DAG1: variants seen among roughly 807,000 people sequenced by gnomAD.
The protein encoded by DAG1 is dystroglycan 1 (dystrophin-associated glycoprotein 1).
Under a neutral mutation model 46.1 loss-of-function variants are expected in DAG1, and 8 were observed. The observed-to-expected ratio is 0.17, with a 90% confidence interval of 0.10 to 0.31. The LOEUF (loss-of-function observed/expected upper bound fraction) is 0.31. Ranked by LOEUF, DAG1 falls within the 10% of genes least tolerant of loss-of-function variation. The pLI is 1.00. For synonymous variants in DAG1, 495 were observed against 481.8 expected (o/e 1.03, Z -0.36); for missense variants, 1,003 against 1,189.9 (o/e 0.84, Z 2.31).
intron 1 of DAG1, among the ~76,000 whole-genome samples, chr3:49,473,378 C>T (rs1158076432): frequency 4.0e-5 from 6 of 151,630 alleles, no homozygotes; most frequent in Admixed American, 6.6e-5. Context: ...GCTGAGATAG[C>T]GCCACTGCAG....
chr3:49,500,108 G>T (rs1575371334), intron 1 of DAG1, among the ~76,000 whole-genome samples: 1 of 148,934 alleles, frequency 6.7e-6, no homozygotes, highest in Admixed American at 6.8e-5. Context: ...CGCTTCCCGG[G>T]TTCAAGCAAT....
At chr3:49,499,300 C>A (rs748559710) in intron 1 of DAG1, among the ~76,000 whole-genome samples, 2 of 151,956 alleles carry the variant, frequency 1.3e-5, no homozygotes, top group Non-Finnish European at 2.9e-5. Context: ...TTTGGGAGGC[C>A]GAGGCAGGAG....
At chr3:49,471,366 C>T (rs939979748) in intron 1 of DAG1, among the ~76,000 whole-genome samples, 2 of 152,270 alleles carry the variant, frequency 1.3e-5, no homozygotes, top group Admixed American at 6.5e-5. Context: ...AGGTGTTTTG[C>T]AAAGTCTGGT....
chr3:49,474,199 C>T (rs183480772), intron 1 of DAG1, among the ~76,000 whole-genome samples: 97 of 152,088 alleles, frequency 6.4e-4, no homozygotes, highest in African/African-American at 2.3e-3. Flanking sequence ...GGACTACAGG[C>T]GCATGCCACC....
At chr3:49,502,349 A>G (rs936132516) in intron 1 of DAG1, among the ~76,000 whole-genome samples, 2 of 152,202 alleles carry the variant, frequency 1.3e-5, no homozygotes, top group Non-Finnish European at 2.9e-5. Flanking sequence ...GGGCTCCTCC[A>G]TCTATGTACA....
At chr3:49,521,605 G>A (rs746242107) in intron 2 of DAG1, among the ~76,000 whole-genome samples, 1 of 151,878 alleles carries the variant, frequency 6.6e-6, no homozygotes, top group South Asian at 2.1e-4. Flanking sequence ...GGACCACCAC[G>A]CCCAGCTAAT....
At chr3:49,490,636 C>A (rs2050157507) in intron 1 of DAG1, among the ~76,000 whole-genome samples, 1 of 150,688 alleles carries the variant, frequency 6.6e-6, no homozygotes, top group Non-Finnish European at 1.5e-5. Flanking sequence ...GTGATGAGAT[C>A]TTGGCTTATT....
At chr3:49,508,890 A>G (rs1186005489) in intron 1 of DAG1, among the ~76,000 whole-genome samples, 1 of 152,186 alleles carries the variant, frequency 6.6e-6, no homozygotes, top group Non-Finnish European at 1.5e-5. Flanking sequence ...ATGTATCTCT[A>G]TATATACATG....
intron 1 of DAG1, among the ~76,000 whole-genome samples, chr3:49,478,971 G>A (rs995401260): frequency 6.6e-6 from 1 of 151,142 alleles, no homozygotes; most frequent in Non-Finnish European, 1.5e-5. Context: ...CCACCATCAC[G>A]CCGAGCTAAG....
At chr3:49,479,952 CTT>C (rs1265876485) in intron 1 of DAG1, among the ~76,000 whole-genome samples, 14 of 90,656 alleles carry the variant, frequency 1.5e-4, no homozygotes, top group Non-Finnish European at 1.6e-4. Flanking sequence ...ATATAACATT[CTT>C]TTTTTTTTTT....
intron 1 of DAG1, among the ~76,000 whole-genome samples, chr3:49,500,905 A>G (rs963886487): frequency 2.0e-5 from 3 of 152,202 alleles, no homozygotes; most frequent in African/African-American, 4.8e-5. Context: ...GTGTATGAGT[A>G]TGAGACTGTG....
At chr3:49,509,461 C>T (rs1285339048) in intron 1 of DAG1, among the ~76,000 whole-genome samples, 1 of 152,194 alleles carries the variant, frequency 6.6e-6, no homozygotes, top group African/African-American at 2.4e-5. Flanking sequence ...AGTCTGGTTG[C>T]TGTCTCTAAA....
At chr3:49,525,716 G>A (rs1266252556) in intron 2 of DAG1, among the ~76,000 whole-genome samples, 2 of 151,592 alleles carry the variant, frequency 1.3e-5, no homozygotes, top group Non-Finnish European at 2.9e-5. Flanking sequence ...CCGCCACCTC[G>A]CCCCGCTAAT....
At chr3:49,514,091 C>T (rs933575636) in intron 2 of DAG1, among the ~76,000 whole-genome samples, 1 of 152,114 alleles carries the variant, frequency 6.6e-6, no homozygotes, top group African/African-American at 2.4e-5. Context: ...CTGTGGAAAG[C>T]AGACCATTTA....
At chr3:49,491,150 C>G in intron 1 of DAG1, among the ~76,000 whole-genome samples, 1 of 151,938 alleles carries the variant, frequency 6.6e-6, no homozygotes, top group East Asian at 1.9e-4. Context: ...TTCCAAAGTA[C>G]AGGCGTGAGC....
Position 49,485,302 on chromosome 3 carries a change from G to A in DAG1, c.-117+14869G>A, listed in dbSNP as rs529949531. Among the ~76,000 whole-genome samples, 23 of 152,308 alleles carry A rather than the reference G, an allele frequency of 1.5e-4. No individual in the cohort carries two copies. In the South Asian group the frequency reaches 4.8e-3, roughly 32 times the overall value. ...GGACGGAGTGTTGTTCTGTCGCCCA[G>A]GCTGGAGTGCAGTGGTGCGATCTTG... On this transcript the variant is annotated intron_variant, in intron 1 of 2. Transcript: ENST00000308775.
intron 2 of DAG1, among the ~76,000 whole-genome samples, chr3:49,527,534 A>G (rs1438353344): frequency 2.1e-5 from 3 of 143,306 alleles, no homozygotes; most frequent in Non-Finnish European, 4.5e-5. Context: ...AAAAAAAAAA[A>G]ACCAACAAAA....
At chr3:49,511,109 G>A (rs2107651668) in intron 2 of DAG1, 1 of 438,884 alleles carries the variant, frequency 2.3e-6, no homozygotes, top group Non-Finnish European at 3.0e-6. Context: ...TCTGTCACGT[G>A]TATAGGGAAA....
At chr3:49,501,776 T>C (rs576101086) in intron 1 of DAG1, among the ~76,000 whole-genome samples, 152 of 148,952 alleles carry the variant, frequency 1.0e-3, no homozygotes, top group Middle Eastern at 3.4e-3. Context: ...ATCATGCCAC[T>C]GTACTCCAGC....
Sources: allele counts gnomAD v4.1 joint callset (sites outside exome capture counted in the v4.1 genomes callset), GRCh38; gene constraint gnomAD v4.1.1; transcripts MANE v1.5; gene names NCBI Gene and HGNC (gene_info 2026-07-23, HGNC 2026-07-21).